Variants in CCDC38 observed in about 807,000 individuals in gnomAD.
CCDC38 encodes coiled-coil domain-containing protein 38.
Under a neutral mutation model 72.8 loss-of-function variants are expected in CCDC38, and 69 were observed. The ratio of observed to expected loss-of-function variants is 0.95; its 90% confidence interval spans 0.78 to 1.16. The LOEUF (loss-of-function observed/expected upper bound fraction) is 1.16. CCDC38 is among the 50% of genes most tolerant of loss of function. The probability of loss-of-function intolerance (pLI) is 0.00; values close to 1 mark genes in which losing one functional copy is unlikely to be tolerated. For missense variants in CCDC38, 626 were observed against 638.9 expected, an observed-to-expected ratio of 0.98 and a Z score of 0.22; for synonymous variants, 201 against 213.2, an observed-to-expected ratio of 0.94 and a Z score of 0.50.
chr12:95,915,757 C>A (rs1227533760), intron 4 of CCDC38, among the ~76,000 whole-genome samples: 3 of 152,194 alleles, frequency 2.0e-5, no homozygotes, highest in Non-Finnish European at 4.4e-5. Context: ...CAGAAACTGA[C>A]AATCTGGTTT....
intron 5 of CCDC38, chr12:95,903,355 A>G: frequency 1.5e-6 from 1 of 683,982 alleles, no homozygotes; most frequent in Non-Finnish European, 2.7e-6. Flanking sequence ...TTAATTCTTC[A>G]TTTCCAATCT....
chr12:95,906,770 CT>C (rs61239359), intron 4 of CCDC38, among the ~76,000 whole-genome samples: 6,439 of 138,720 alleles, frequency 0.046, 160 homozygotes, highest in African/African-American at 0.074. Context: ...TGTCAAAATT[CT>C]TTTTTTTTTT....
intron 2 of CCDC38, chr12:95,934,562 G>A (rs1463720742): frequency 6.6e-6 from 1 of 151,938 alleles, no homozygotes; most frequent in Non-Finnish European, 1.5e-5. Context: ...CACAGTTCTT[G>A]ACAAAGTAAT....
intron 5 of CCDC38, chr12:95,903,579 G>A (rs75335372): frequency 0.019 from 11,337 of 606,768 alleles, 147 homozygotes; most frequent in Non-Finnish European, 0.026. Flanking sequence ...TTCCTACTTT[G>A]CTGAGAGTCT....
chr12:95,874,672 C>CG (rs2079617146), intron 13 of CCDC38, among the ~76,000 whole-genome samples: 1 of 152,168 alleles, frequency 6.6e-6, no homozygotes, highest in Non-Finnish European at 1.5e-5. Flanking sequence ...CACAGTACCT[C>CG]GGAGGAGGAG....
At chr12:95,912,251 C>A (rs1004302355) in intron 4 of CCDC38, among the ~76,000 whole-genome samples, 1 of 152,150 alleles carries the variant, frequency 6.6e-6, no homozygotes, top group African/African-American at 2.4e-5. Flanking sequence ...GGTTGAAAAA[C>A]TTCCTATTGG....
intron 2 of CCDC38, among the ~76,000 whole-genome samples, chr12:95,932,179 T>C (rs59001659): frequency 0.093 from 14,203 of 151,974 alleles, 1,181 homozygotes; most frequent in East Asian, 0.46. Context: ...AAGAAGAGAC[T>C]TGGAGTGGGG....
Position 95,927,925 on chromosome 12 carries a change from C to A in CCDC38, c.37+8548G>T, listed in dbSNP as rs1286672055. On this transcript the variant is annotated intron_variant, in intron 2 of 15. Transcript: ENST00000344280. ...AGAGATCCACTGTTAGTCTGATGGG[C>A]TTCCCTTTGTGGGTAACCCGACCTT... 7.3e-5 allele frequency among the ~76,000 whole-genome samples: 11 copies of A among 150,278 alleles called. No homozygotes were observed. In the Admixed American group the frequency reaches 7.3e-4, roughly 10 times the overall value.
chr12:95,890,651 C>T (rs1048127392), intron 9 of CCDC38, among the ~76,000 whole-genome samples, 181 bp downstream of exon 9: 11 of 152,222 alleles, frequency 7.2e-5, no homozygotes, highest in African/African-American at 2.2e-4. Context: ...TCTATCCACT[C>T]GTGCACCTCT....
intron 1 of CCDC38, among the ~76,000 whole-genome samples, chr12:95,939,836 T>G (rs1262654186): frequency 6.6e-6 from 1 of 152,214 alleles, no homozygotes; most frequent in Non-Finnish European, 1.5e-5. Context: ...TCAGGTCTCT[T>G]GACAAGTGTC....
At chr12:95,880,913 T>C (rs984409104) in intron 11 of CCDC38, among the ~76,000 whole-genome samples, 2 of 152,196 alleles carry the variant, frequency 1.3e-5, no homozygotes, top group Non-Finnish European at 2.9e-5. Flanking sequence ...TAGAGATCTA[T>C]TGCTTACAGT....
At position 95,867,050 on chromosome 12, in the gene CCDC38, G is replaced by T. The variant is rs1195172393; in HGVS notation, c.*26C>A. The T allele has an allele frequency of 2.5e-6, 3 of 1,210,224 alleles. No homozygotes were observed. The highest frequency in any genetic ancestry group is 3.0e-5 in the African/African-American group (2 of 66,404). The allele number at this position is 1,210,224 out of a possible 1,614,324, so 75.0% of individuals were successfully genotyped here. On this transcript the variant is annotated 3_prime_UTR_variant, in exon 16 of 16. Transcript: ENST00000344280. ...TACAAAATACACCTAAGACATTCTG[G>T]TAATAAAATGTCTTACTGCTTTTAT...
intron 2 of CCDC38, among the ~76,000 whole-genome samples, chr12:95,924,536 T>G (rs1383569483): frequency 6.7e-6 from 1 of 148,664 alleles, no homozygotes; most frequent in Non-Finnish European, 1.5e-5. Context: ...AGAAGCTCTT[T>G]AGTTTAATTA....
chr12:95,898,305 A>T, intron 7 of CCDC38, 80 bp downstream of exon 7: 1 of 1,303,834 alleles, frequency 7.7e-7, no homozygotes, highest in South Asian at 1.2e-5. Flanking sequence ...GATGATCAGG[A>T]TTATTAGGTC....
At chr12:95,874,908 C>T (rs188048812) in intron 13 of CCDC38, among the ~76,000 whole-genome samples, 1 of 152,322 alleles carries the variant, frequency 6.6e-6, no homozygotes, top group Admixed American at 6.5e-5. Context: ...ATCCATGTGA[C>T]ATTCTGCTGT....
At chr12:95,891,733 T>G (rs1314453887) in intron 8 of CCDC38, among the ~76,000 whole-genome samples, 1 of 152,136 alleles carries the variant, frequency 6.6e-6, no homozygotes, top group Admixed American at 6.5e-5. Context: ...GCAACACCAT[T>G]TAGCTTTAAC....
At chr12:95,893,407 T>TTGCC (rs2079850051) in intron 8 of CCDC38, among the ~76,000 whole-genome samples, 2 of 85,182 alleles carry the variant, frequency 2.3e-5, no homozygotes, top group African/African-American at 9.9e-5. Context: ...CTTATCTTCC[T>TTGCC]TCCCTCCCTC....
intron 5 of CCDC38, among the ~76,000 whole-genome samples, chr12:95,901,758 A>G (rs2079952632): frequency 6.6e-6 from 1 of 152,250 alleles, no homozygotes; most frequent in African/African-American, 2.4e-5. Flanking sequence ...TGATTTAGCA[A>G]CAGAGAAGTC....
chr12:95,867,925 A>G (rs1268839680), intron 15 of CCDC38, among the ~76,000 whole-genome samples: 1 of 152,190 alleles, frequency 6.6e-6, no homozygotes, highest in Non-Finnish European at 1.5e-5. Context: ...TTGTAGGACA[A>G]TTCTTATGTG....
Sources: gnomAD v4.1 joint callset for allele counts (sites outside exome capture counted in the v4.1 genomes callset) on GRCh38, gnomAD v4.1.1 for gene constraint, MANE v1.5 for transcripts, NCBI Gene and HGNC (gene_info 2026-07-23, HGNC 2026-07-21) for gene names.